The following PRICKLE2 variants were observed in gnomAD, a reference collection of about 807,000 sequenced individuals.
PRICKLE2 encodes the protein prickle planar cell polarity protein 2, also known as prickle-like protein 2.
A neutral mutation model predicts 81.4 loss-of-function variants in PRICKLE2; 21 were observed. The observed-to-expected ratio is 0.26, with a 90% confidence interval of 0.18 to 0.37. The LOEUF (loss-of-function observed/expected upper bound fraction) is 0.37, where lower values mean the gene tolerates loss of function less well. PRICKLE2 is among the 10% of genes least tolerant of loss of function. The pLI is 1.00. For missense variants in PRICKLE2, 940 were observed against 1,109.0 expected, an observed-to-expected ratio of 0.85 and a Z score of 2.16; for synonymous variants, 456 against 421.5, an observed-to-expected ratio of 1.08 and a Z score of -1.00.
intron 1 of PRICKLE2, among the ~76,000 whole-genome samples, chr3:64,211,857 A>G (rs1287914429): frequency 6.6e-6 from 1 of 152,182 alleles, no homozygotes. Flanking sequence ...GGTTTCTAGG[A>G]AAAAAGATAA....
chr3:64,111,852 T>A (rs1379710801), intron 7 of PRICKLE2, among the ~76,000 whole-genome samples: 1 of 152,184 alleles, frequency 6.6e-6, no homozygotes, highest in African/African-American at 2.4e-5. Context: ...ACCATCAGTG[T>A]AATAATTCAC....
chr3:64,212,749 C>T (rs1311313012), intron 1 of PRICKLE2, among the ~76,000 whole-genome samples: 2 of 152,162 alleles, frequency 1.3e-5, no homozygotes, highest in African/African-American at 4.8e-5. Flanking sequence ...TATAATGAAA[C>T]TTGACTATGT....
intron 2 of PRICKLE2, among the ~76,000 whole-genome samples, chr3:64,260,357 G>A (rs752201631): frequency 2.6e-5 from 4 of 152,170 alleles, no homozygotes; most frequent in Non-Finnish European, 5.9e-5. Flanking sequence ...GCAGCTACGA[G>A]GGCAAGAGTT....
chr3:64,237,868 G>A (rs2079205960), intron 2 of PRICKLE2, among the ~76,000 whole-genome samples: 1 of 152,098 alleles, frequency 6.6e-6, no homozygotes, highest in Non-Finnish European at 1.5e-5. Flanking sequence ...GGCTTGCCAG[G>A]ATGAGAAAAA....
At chr3:64,128,186 G>A (rs1436772758) in intron 7 of PRICKLE2, among the ~76,000 whole-genome samples, 1 of 152,142 alleles carries the variant, frequency 6.6e-6, no homozygotes, top group African/African-American at 2.4e-5. Context: ...GTCTAAGAGT[G>A]CCCACAGCGG....
intron 2 of PRICKLE2, chr3:64,267,961 G>C (rs1483162460): frequency 6.6e-6 from 1 of 152,304 alleles, no homozygotes; most frequent in Non-Finnish European, 1.5e-5. Flanking sequence ...AACTGCGGGG[G>C]AGCCGGGGAA....
chr3:64,206,482 C>T (rs529104292), intron 1 of PRICKLE2, among the ~76,000 whole-genome samples: 1 of 152,352 alleles, frequency 6.6e-6, no homozygotes, highest in South Asian at 2.1e-4. Context: ...TGCCACTCAG[C>T]TGGGTACCCA....
chr3:64,157,294 G>A lies in PRICKLE2; in HGVS notation c.468C>T (p.His156=). Residue 156 remains histidine, a synonymous_variant, in exon 5 of 8, where the codon CAC becomes CAT. Transcript: ENST00000638394. The stretch of plus-strand genomic sequence containing the variant: ...AGACAGTGCATACGAAGCACGGCGG[G>A]TGCCAGCAAACGCCGTGGCCAGCGC... ...ASRAGHGVCW[H]PPCFVCTVCN... 3 of 1,614,144 alleles carry A rather than the reference G, an allele frequency of 1.9e-6. No homozygotes were observed. The highest frequency in any genetic ancestry group is 1.1e-5 in the South Asian group (1 of 91,080).
chr3:64,214,724 A>G (rs1300507445), intron 1 of PRICKLE2, among the ~76,000 whole-genome samples: 1 of 152,110 alleles, frequency 6.6e-6, no homozygotes, highest in African/African-American at 2.4e-5. Flanking sequence ...AAAATATTAA[A>G]AAATTTGTTT....
intron 2 of PRICKLE2, among the ~76,000 whole-genome samples, chr3:64,169,154 C>G (rs1421655950): frequency 1.3e-5 from 2 of 152,158 alleles, no homozygotes; most frequent in Admixed American, 6.5e-5. Context: ...GGAGGCTAGA[C>G]AGTTGTTAGC....
intron 7 of PRICKLE2, among the ~76,000 whole-genome samples, chr3:64,128,971 T>C (rs1575570016): frequency 6.6e-6 from 1 of 152,032 alleles, no homozygotes. Flanking sequence ...AATTCCTTGA[T>C]GTGGAGGCTG....
chr3:64,120,472 GGAGTCAGT>G (rs1378200037), intron 7 of PRICKLE2, among the ~76,000 whole-genome samples: 4 of 152,132 alleles, frequency 2.6e-5, no homozygotes, highest in African/African-American at 9.7e-5. Context: ...GGTGAGGGTA[GGAGTCAGT>G]GATGGAGGCA....
At chr3:64,201,415 G>C (rs533165640) in intron 1 of PRICKLE2, among the ~76,000 whole-genome samples, 1 of 152,204 alleles carries the variant, frequency 6.6e-6, no homozygotes, top group African/African-American at 2.4e-5. Context: ...GTTATTGTCT[G>C]TCTTCTTTTA....
intron 1 of PRICKLE2, among the ~76,000 whole-genome samples, chr3:64,212,725 T>C (rs141100584): frequency 8.5e-5 from 13 of 152,296 alleles, no homozygotes; most frequent in African/African-American, 2.9e-4. Context: ...ACTTAATATA[T>C]ACAACATTCT....
intron 1 of PRICKLE2, among the ~76,000 whole-genome samples, chr3:64,209,742 G>T (rs2078756119): frequency 6.6e-6 from 1 of 152,216 alleles, no homozygotes; most frequent in African/African-American, 2.4e-5. Context: ...CCTTCGTGGA[G>T]CTTTGAACCA....
In PRICKLE2 at chr3:64,116,047, C is replaced by T. The variant is rs542591026; in HGVS notation, c.1661-16122G>A. Among the ~76,000 whole-genome samples the T allele has an allele frequency of 9.9e-5, 15 of 152,258 alleles. 1 individual carries two copies. Among genetic ancestry groups the T allele is most frequent in the African/African-American group, 3.1e-4 (13 of 41,562 alleles). Reference sequence around the variant, plus strand: ...AGAAATCAAGACTAAGAAATTCACTCAAAACCATACAATTACATGGAAATT... The same window carrying T: ...AGAAATCAAGACTAAGAAATTCACTTAAAACCATACAATTACATGGAAATT... On this transcript the variant is annotated intron_variant, in intron 7 of 7. Transcript: ENST00000638394.
rs147177975 is a variant in PRICKLE2, at chr3:64,147,065, C to T, written c.1425G>A (p.Gly475=). 64 of 1,614,024 alleles carry T rather than the reference C, an allele frequency of 4.0e-5. No individual in the cohort carries two copies. In the Middle Eastern group the frequency reaches 8.2e-4, roughly 21 times the overall value. The change falls in exon 7 of 8, where the codon GGG becomes GGA. Residue 475 remains glycine, a synonymous_variant. Coordinates refer to ENST00000638394, the MANE Select transcript of PRICKLE2 (RefSeq NM_198859.4). This position sits in a 1 kb window ranked among gnomAD's most constrained non-coding sequence, Gnocchi z 5.0. ...IKECREDYYP[G]RLRSQESYSD... is the part of the protein sequence containing the mutation. Reference sequence around the variant, plus strand: ...TGTAGCTCTCCTGAGATCTCAGCCTCCCCGGGTAATAGTCTTCTCGGCATT... The same window carrying T: ...TGTAGCTCTCCTGAGATCTCAGCCTTCCCGGGTAATAGTCTTCTCGGCATT...
At chr3:64,179,087 T>C (rs1397344398) in intron 2 of PRICKLE2, among the ~76,000 whole-genome samples, 2 of 151,638 alleles carry the variant, frequency 1.3e-5, no homozygotes, top group Non-Finnish European at 2.9e-5. Context: ...TCTCTGTCTC[T>C]TTCTTTCAGA....
At chr3:64,236,803 A>G (rs704401) in intron 2 of PRICKLE2, among the ~76,000 whole-genome samples, 139,309 of 152,288 alleles carry the variant, frequency 0.91, 63,976 homozygotes, top group East Asian at 0.98. Context: ...TCTGAAAAAC[A>G]TGAATGACGG....
Sources: allele counts gnomAD v4.1 joint callset (sites outside exome capture counted in the v4.1 genomes callset), GRCh38; gene constraint gnomAD v4.1.1; non-coding constraint Gnocchi (gnomAD v3.1); transcripts MANE v1.5; gene names NCBI Gene and HGNC (gene_info 2026-07-23, HGNC 2026-07-21).